The following CLVS1 variants were observed in gnomAD, a reference collection of about 807,000 sequenced individuals.
CLVS1 encodes the protein clavesin-1.
A neutral mutation model predicts 33.1 loss-of-function variants in CLVS1; 10 were observed. The observed-to-expected ratio is 0.30, with a 90% CI of 0.19 to 0.51. The LOEUF is 0.51. Ranked by LOEUF, CLVS1 falls within the 20% of genes least tolerant of loss-of-function variation. CLVS1 has a pLI of 0.97. For missense variants in CLVS1, 343 were observed against 433.4 expected, an observed-to-expected ratio of 0.79 and a Z score of 1.85; for synonymous variants, 163 against 166.1, an observed-to-expected ratio of 0.98 and a Z score of 0.14.
the CLVS1 span, among the ~76,000 whole-genome samples, chr8:61,007,221 G>C: frequency 4.6e-5 from 7 of 152,320 alleles, no homozygotes. Flanking sequence ...GTCGTGTTTA[G>C]ATATGAGATC....
At chr8:61,232,970 A>G (rs1400319067) in intron 2 of CLVS1, among the ~76,000 whole-genome samples, 1 of 152,242 alleles carries the variant, frequency 6.6e-6, no homozygotes, top group East Asian at 1.9e-4. Context: ...TAAAAACCAT[A>G]TAACCATATA....
At chr8:61,225,145 C>T (rs530176762) in intron 2 of CLVS1, among the ~76,000 whole-genome samples, 2 of 151,868 alleles carry the variant, frequency 1.3e-5, no homozygotes, top group Non-Finnish European at 2.9e-5. Flanking sequence ...GGTGAAGCCC[C>T]ATTTCTACTA....
At chr8:61,101,590 T>C (rs1805451223) in intron 1 of CLVS1, among the ~76,000 whole-genome samples, 1 of 152,174 alleles carries the variant, frequency 6.6e-6, no homozygotes. Flanking sequence ...TTCTGTGTGG[T>C]GCTTTTGAAA....
intron 3 of CLVS1, among the ~76,000 whole-genome samples, chr8:61,396,028 A>C (rs1814515113): frequency 6.6e-6 from 1 of 152,176 alleles, no homozygotes; most frequent in South Asian, 2.1e-4. Context: ...ACTTATCCCA[A>C]ATGGAAACTC....
chr8:61,041,006 T>G, the CLVS1 span, among the ~76,000 whole-genome samples: 15 of 152,332 alleles, frequency 9.8e-5, no homozygotes, highest in African/African-American at 2.9e-4. Context: ...AGTTAATTTT[T>G]GTATATGGTG....
At chr8:61,413,321 T>C (rs1416755207) in intron 3 of CLVS1, among the ~76,000 whole-genome samples, 2 of 152,220 alleles carry the variant, frequency 1.3e-5, no homozygotes, top group African/African-American at 4.8e-5. Context: ...TTTTGGTTAT[T>C]CATGGCTGTT....
At chr8:61,033,033 G>GAAAAAGAAAGAAAGATAGAAAGAA in the CLVS1 span, among the ~76,000 whole-genome samples, 1 of 108,900 alleles carries the variant, frequency 9.2e-6, no homozygotes, top group African/African-American at 3.7e-5. Flanking sequence ...AAGAAAGAAA[G>GAAAAAGAAAGAAAGATAGAAAGAA]AAAGAAAGAA....
intron 3 of CLVS1, among the ~76,000 whole-genome samples, chr8:61,453,551 G>A (rs1817038280): frequency 1.3e-5 from 2 of 152,194 alleles, no homozygotes; most frequent in African/African-American, 4.8e-5. Context: ...GCCCCAGGGT[G>A]CACTGGAGCT....
intron 1 of CLVS1, among the ~76,000 whole-genome samples, chr8:61,288,657 TA>T (rs1262244756): frequency 6.6e-5 from 10 of 152,208 alleles, no homozygotes; most frequent in African/African-American, 1.9e-4. Context: ...TTCAGCAGAT[TA>T]GGGTCTGTTT....
At chr8:61,495,842 A>AC (rs1462305400) in intron 5 of CLVS1, among the ~76,000 whole-genome samples, 2 of 152,220 alleles carry the variant, frequency 1.3e-5, no homozygotes, top group Non-Finnish European at 2.9e-5. Flanking sequence ...TCTATGGGCA[A>AC]CCCAGCTAGT....
chr8:61,053,517 G>C (rs1285662427), upstream of CLVS1, among the ~76,000 whole-genome samples: 1 of 152,222 alleles, frequency 6.6e-6, no homozygotes, highest in African/African-American at 2.4e-5. Context: ...GGGGGCTATT[G>C]TTAAGCCCCA....
chr8:60,968,673 G>A, the CLVS1 span, among the ~76,000 whole-genome samples: 1 of 152,092 alleles, frequency 6.6e-6, no homozygotes, highest in Admixed American at 6.5e-5. Context: ...CAGATCACTT[G>A]AGGCCAGGGG....
the CLVS1 span, among the ~76,000 whole-genome samples, chr8:61,032,115 G>A: frequency 1.3e-5 from 2 of 152,164 alleles, no homozygotes; most frequent in African/African-American, 2.4e-5. Context: ...CTGGCCCAGC[G>A]GGTAGAGCCT....
At chr8:61,097,287 A>G (rs972306463) in intron 1 of CLVS1, among the ~76,000 whole-genome samples, 6 of 151,886 alleles carry the variant, frequency 4.0e-5, no homozygotes, top group African/African-American at 1.5e-4. Flanking sequence ...GTGAGACTCC[A>G]TCTCAAAAAA....
intron 1 of CLVS1, among the ~76,000 whole-genome samples, chr8:61,123,672 G>A (rs1805918709): frequency 6.6e-6 from 1 of 152,114 alleles, no homozygotes; most frequent in East Asian, 1.9e-4. Context: ...TGCTGATTTG[G>A]GTCATTCTTT....
intron 2 of CLVS1, among the ~76,000 whole-genome samples, chr8:61,136,862 C>A (rs1176434525): frequency 1.3e-5 from 2 of 152,126 alleles, no homozygotes; most frequent in Admixed American, 1.3e-4. Context: ...AAACAAAGGG[C>A]AGTGATTTGT....
chr8:61,266,613 C>T (rs995974381), intron 2 of CLVS1, among the ~76,000 whole-genome samples: 19 of 152,160 alleles, frequency 1.2e-4, no homozygotes, highest in African/African-American at 4.6e-4. Context: ...TTCCTAGCCT[C>T]TTTGCTCCTT....
chr8:61,347,624 CATTATATATATATA>C (rs1812265775), intron 2 of CLVS1, among the ~76,000 whole-genome samples: 1 of 98,524 alleles, frequency 1.0e-5, no homozygotes, highest in African/African-American at 4.0e-5. Flanking sequence ...TTGGCCATTC[CATTATATATATATA>C]TATATATATA....
upstream of CLVS1, chr8:61,287,821 C>T (rs1273867089): frequency 9.0e-6 from 3 of 334,438 alleles, no homozygotes; most frequent in East Asian, 1.7e-4. Flanking sequence ...GGAGTGATGA[C>T]GCTGGTACTT....
Sources: allele counts gnomAD v4.1 joint callset (sites outside exome capture counted in the v4.1 genomes callset), GRCh38; gene constraint gnomAD v4.1.1; transcripts MANE v1.5; gene names NCBI Gene and HGNC (gene_info 2026-07-23, HGNC 2026-07-21).